Variants in SLC35F3 observed in about 807,000 individuals in gnomAD.
SLC35F3 encodes the protein putative thiamine transporter SLC35F3.
A neutral mutation model predicts 49.9 loss-of-function variants in SLC35F3; 25 were observed. The ratio of observed to expected loss-of-function variants is 0.50; its 90% confidence interval spans 0.37 to 0.70. SLC35F3 has a LOEUF of 0.70. SLC35F3 is among the 30% of genes least tolerant of loss of function. The pLI is 0.00. For missense variants in SLC35F3, 525 were observed against 639.8 expected (o/e 0.82, Z 1.94); for synonymous variants, 275 against 265.4 (o/e 1.04, Z -0.35).
intron 2 of SLC35F3, among the ~76,000 whole-genome samples, chr1:234,118,507 G>A (rs964964741): frequency 1.3e-5 from 2 of 152,156 alleles, no homozygotes; most frequent in Admixed American, 6.5e-5. Flanking sequence ...TACAGTTTTA[G>A]AGGGTTGTAG....
At chr1:234,019,829 C>T (rs1269348191) in intron 2 of SLC35F3, among the ~76,000 whole-genome samples, 1 of 152,174 alleles carries the variant, frequency 6.6e-6, no homozygotes, top group Non-Finnish European at 1.5e-5. Context: ...TCAGAAATAA[C>T]ACACATTTCC....
At chr1:233,956,506 T>G (rs1662706774) in intron 2 of SLC35F3, among the ~76,000 whole-genome samples, 1 of 152,230 alleles carries the variant, frequency 6.6e-6, no homozygotes. Flanking sequence ...TGAGACTTTT[T>G]CTCCCCTCTC....
chr1:233,995,970 A>G (rs1663452860), intron 2 of SLC35F3, among the ~76,000 whole-genome samples: 1 of 152,184 alleles, frequency 6.6e-6, no homozygotes. Context: ...TCTTATCTTT[A>G]TTCTGAGTGC....
rs61662001 is a variant in SLC35F3 at position 234,275,795 on chromosome 1, CT to C, written c.609-33305del. 3.1e-3 allele frequency among the ~76,000 whole-genome samples: 405 copies of C among 132,760 alleles called. 13 individuals are homozygous for C. In the East Asian group the frequency reaches 0.064, roughly 21 times the overall value. The allele number at this position is 132,760 out of a possible 152,430, so 87.1% of individuals were successfully genotyped here. A position where few individuals can be genotyped will look rare whatever the true frequency, so the allele number is the denominator to read the frequency against. ...ATATATATATATAGCACAGAAGATGCTGCTGCTGCTGCTGCTAGCTAACATT... is the reference window on the plus strand; with the variant it reads ...ATATATATATATAGCACAGAAGATGCGCTGCTGCTGCTGCTAGCTAACATT... On this transcript the variant is annotated intron_variant, in intron 3 of 7. Coordinates refer to ENST00000366618, the MANE Select transcript of SLC35F3 (RefSeq NM_173508.4).
chr1:234,149,038 A>C (rs529215301), intron 2 of SLC35F3, among the ~76,000 whole-genome samples: 6 of 152,332 alleles, frequency 3.9e-5, no homozygotes, highest in Middle Eastern at 6.8e-3. Context: ...GAAGATGTCA[A>C]ATCAGTGGTT....
chr1:233,999,067 A>G (rs1377475132), intron 2 of SLC35F3, among the ~76,000 whole-genome samples: 3 of 152,144 alleles, frequency 2.0e-5, no homozygotes, highest in Non-Finnish European at 4.4e-5. Flanking sequence ...CATTATTACT[A>G]CATAGCAAGC....
At chr1:234,200,320 G>T (rs1455124877) in intron 2 of SLC35F3, among the ~76,000 whole-genome samples, 1 of 152,068 alleles carries the variant, frequency 6.6e-6, no homozygotes, top group Non-Finnish European at 1.5e-5. Context: ...TTTTAATTGG[G>T]TTGTCTTTTT....
Position 233,919,921 on chromosome 1 carries a change from C to T in SLC35F3, c.283+14163C>T, listed in dbSNP as rs1047742984. On this transcript the variant is annotated intron_variant, in intron 2 of 7. Transcript: ENST00000366618. ...AAACAGGCTTCTCAATCTCCTTCCTCGCTCTGTACTCCGGCCTCAGACCAC... is the reference window on the plus strand; with the variant it reads ...AAACAGGCTTCTCAATCTCCTTCCTTGCTCTGTACTCCGGCCTCAGACCAC... 6.6e-5 allele frequency among the ~76,000 whole-genome samples: 10 copies of T among 152,138 alleles called. No individual in the cohort carries two copies. The East Asian group carries it at 9.6e-4, about 15-fold the overall frequency.
chr1:234,099,529 G>A (rs1302375264), intron 2 of SLC35F3, among the ~76,000 whole-genome samples: 1 of 147,154 alleles, frequency 6.8e-6, no homozygotes, highest in Non-Finnish European at 1.5e-5. Context: ...AGAATCGCTT[G>A]AACCCTGGAG....
chr1:234,309,232 C>T lies in SLC35F3; in HGVS notation c.740C>T (p.Thr247Met). 1 of 1,614,176 alleles carries T rather than the reference C, an allele frequency of 6.2e-7. No individual in the cohort carries two copies. The highest frequency in any genetic ancestry group is 1.1e-5 in the South Asian group (1 of 91,086). The change falls in exon 4 of 8, where the codon ACG becomes ATG. Residue 247 changes from threonine (T) to methionine (M), a missense_variant. By Grantham distance (81) the Thr-to-Met change is moderately conservative. This residue lies in a region of SLC35F3 where 216 missense variants were observed against 298.1 expected (regional missense o/e 0.72). Coordinates refer to ENST00000366618, the MANE Select transcript of SLC35F3 (RefSeq NM_173508.4). ...CATGCAATAAAGAAAATAAACACTACGGATGTCTCCGTGTTGTTCTGCTGC... is the reference window on the plus strand; with the variant it reads ...CATGCAATAAAGAAAATAAACACTATGGATGTCTCCGTGTTGTTCTGCTGC... ...YLHAIKKINT[T>M]DVSVLFCCNK...
rs562427205 is a variant in SLC35F3, at chr1:234,254,201, G to A, written c.608+22460G>A. Among the ~76,000 whole-genome samples, 5 of 152,176 alleles carry A rather than the reference G, an allele frequency of 3.3e-5. No homozygotes were observed. The South Asian group carries it at 1.0e-3, about 32-fold the overall frequency. On this transcript the variant is annotated intron_variant, in intron 3 of 7. Transcript: ENST00000366618. ...GCTGGTTCATTTTTTTATGCCTTTGGCTTCTTCAAAACTTCCCTATGCACT... is the reference window on the plus strand; with the variant it reads ...GCTGGTTCATTTTTTTATGCCTTTGACTTCTTCAAAACTTCCCTATGCACT...
intron 2 of SLC35F3, among the ~76,000 whole-genome samples, chr1:234,105,280 A>T (rs966372397): frequency 5.3e-5 from 8 of 152,148 alleles, no homozygotes; most frequent in African/African-American, 1.4e-4. Flanking sequence ...GACCTCCCAG[A>T]GAATGGAGTC....
chr1:233,950,519 C>A (rs1451034807), intron 2 of SLC35F3, among the ~76,000 whole-genome samples: 1 of 147,104 alleles, frequency 6.8e-6, no homozygotes, highest in African/African-American at 2.5e-5. Flanking sequence ...TTCCTTCCTT[C>A]CTTTTTCCTT....
At chr1:234,111,131 T>A (rs945391992) in intron 2 of SLC35F3, among the ~76,000 whole-genome samples, 5 of 152,146 alleles carry the variant, frequency 3.3e-5, no homozygotes, top group Non-Finnish European at 5.9e-5. Context: ...TCCATTGGAT[T>A]TTCTTGTAAG....
chr1:234,249,387 C>T (rs901643693), intron 3 of SLC35F3, among the ~76,000 whole-genome samples: 6 of 152,156 alleles, frequency 3.9e-5, no homozygotes, highest in Admixed American at 2.0e-4. Context: ...TAAAGGAGGC[C>T]GGGCTGTGTG....
In SLC35F3 at chr1:234,295,080, C is replaced by T. The variant is rs1489777723; in HGVS notation, c.609-14021C>T. Among the ~76,000 whole-genome samples, 11 of 152,318 alleles carry T rather than the reference C, an allele frequency of 7.2e-5. No individual in the cohort carries two copies. The East Asian group carries it at 2.1e-3, about 29-fold the overall frequency. On this transcript the variant is annotated intron_variant, in intron 3 of 7. Coordinates refer to ENST00000366618, the MANE Select transcript of SLC35F3 (RefSeq NM_173508.4). ...ATGATTGTCTAGCGAGGAAGGTTGC[C>T]CATCTCAGTGCCTCGCTGTCCCAGC...
At chr1:233,974,436 C>G (rs1663046359) in intron 2 of SLC35F3, among the ~76,000 whole-genome samples, 1 of 152,062 alleles carries the variant, frequency 6.6e-6, no homozygotes, top group Non-Finnish European at 1.5e-5. Flanking sequence ...CCTGCTTCAG[C>G]CTCCCAAAGT....
At chr1:234,115,888 A>T (rs1665478434) in intron 2 of SLC35F3, among the ~76,000 whole-genome samples, 2 of 152,216 alleles carry the variant, frequency 1.3e-5, no homozygotes, top group Admixed American at 1.3e-4. Context: ...AAAGCAACAG[A>T]AACCTGCAGG....
chr1:233,922,946 T>C (rs1299710194), intron 2 of SLC35F3, among the ~76,000 whole-genome samples: 2 of 152,210 alleles, frequency 1.3e-5, no homozygotes, highest in African/African-American at 2.4e-5. Flanking sequence ...TTGTCAAAGA[T>C]CAGATGGTTG....
Sources: gnomAD v4.1 joint callset for allele counts (sites outside exome capture counted in the v4.1 genomes callset) on GRCh38, gnomAD v4.1.1 for gene constraint, gnomAD v4.1.1 regional missense constraint, MANE v1.5 for transcripts, NCBI Gene and HGNC (gene_info 2026-07-23, HGNC 2026-07-21) for gene names.